UBE2E2: variants seen among roughly 807,000 people sequenced by gnomAD.
UBE2E2 encodes the protein ubiquitin-conjugating enzyme E2 E2.
A neutral mutation model predicts 24.7 loss-of-function variants in UBE2E2; 6 were observed. That is an observed-to-expected ratio of 0.24 (90% CI 0.13 to 0.48). UBE2E2 has a LOEUF of 0.48. Ranked by LOEUF, UBE2E2 falls within the 20% of genes least tolerant of loss-of-function variation. The probability of loss-of-function intolerance (pLI) is 0.99; values close to 1 mark genes in which losing one functional copy is unlikely to be tolerated. For missense variants in UBE2E2, 169 were observed against 245.0 expected (o/e 0.69, Z 2.07); for synonymous variants, 104 against 83.6 (o/e 1.24, Z -1.33).
At chr3:23,325,986 G>A (rs1008252835) in intron 3 of UBE2E2, among the ~76,000 whole-genome samples, 3 of 152,160 alleles carry the variant, frequency 2.0e-5, no homozygotes, top group African/African-American at 7.2e-5. Context: ...GGTGGTAGAG[G>A]ATACCATTTG....
At chr3:23,307,242 G>A (rs1699261821) in intron 3 of UBE2E2, among the ~76,000 whole-genome samples, 1 of 152,008 alleles carries the variant, frequency 6.6e-6, no homozygotes, top group African/African-American at 2.4e-5. Context: ...CTCTTTCTGA[G>A]GATATTAATT....
intron 3 of UBE2E2, among the ~76,000 whole-genome samples, chr3:23,333,556 G>C (rs980102015): frequency 3.3e-5 from 5 of 152,058 alleles, no homozygotes; most frequent in Non-Finnish European, 7.4e-5. Flanking sequence ...ATTTGACTCA[G>C]TTTTTTTCAC....
At chr3:23,491,555 A>G (rs1383811927) in intron 3 of UBE2E2, among the ~76,000 whole-genome samples, 1 of 152,084 alleles carries the variant, frequency 6.6e-6, no homozygotes, top group Non-Finnish European at 1.5e-5. Flanking sequence ...GAGACAAGAA[A>G]GAGCCCAGCT....
intron 3 of UBE2E2, among the ~76,000 whole-genome samples, chr3:23,231,045 C>G (rs1014160538): frequency 6.6e-6 from 1 of 152,060 alleles, no homozygotes; most frequent in Non-Finnish European, 1.5e-5. Context: ...AGAGCTCTAC[C>G]TTTAGAGGAA....
intron 3 of UBE2E2, among the ~76,000 whole-genome samples, chr3:23,473,392 A>T (rs1048887218): frequency 6.6e-6 from 1 of 151,978 alleles, no homozygotes; most frequent in African/African-American, 2.4e-5. Context: ...TCTACCTTTA[A>T]TTTTTGTGGT....
At chr3:23,299,473 G>C (rs1417869382) in intron 3 of UBE2E2, among the ~76,000 whole-genome samples, 3 of 151,698 alleles carry the variant, frequency 2.0e-5, no homozygotes, top group Non-Finnish European at 4.4e-5. Flanking sequence ...CAGAGATTCT[G>C]GTATGTTGTG....
At chr3:23,232,727 C>A (rs892813292) in intron 3 of UBE2E2, among the ~76,000 whole-genome samples, 5 of 152,166 alleles carry the variant, frequency 3.3e-5, no homozygotes, top group Admixed American at 3.3e-4. Flanking sequence ...CTGAAGAAAT[C>A]ATTTTTGCTC....
chr3:23,452,505 AGTCGT>A lies in UBE2E2; in HGVS notation c.228-47100_228-47096del, dbSNP rs1182601921. On this transcript the variant is annotated intron_variant, in intron 3 of 5. Coordinates refer to ENST00000396703, the MANE Select transcript of UBE2E2 (RefSeq NM_152653.4). ...GAGACTTTAGAAAGTTTAGTGTAAA[AGTCGT>A]GTTTATAAAATATGGGAATTCTAGT... Among the ~76,000 whole-genome samples, 6 of 152,322 alleles carry A rather than the reference AGTCGT, an allele frequency of 3.9e-5. No homozygotes were observed. In the East Asian group the frequency reaches 1.2e-3, roughly 29 times the overall value.
intron 4 of UBE2E2, among the ~76,000 whole-genome samples, chr3:23,515,573 G>A (rs1041969232): frequency 6.6e-6 from 1 of 152,138 alleles, no homozygotes; most frequent in Non-Finnish European, 1.5e-5. Context: ...TAGTATGGGT[G>A]TATAACCAGC....
rs904997297 is a variant in UBE2E2, at chr3:23,335,517, C to G, written c.227+118205C>G. On this transcript the variant is annotated intron_variant, in intron 3 of 5. Transcript: ENST00000396703. ...TCTTGAATTTTATGCAGTGTAATTACTGTTTAGTGAAATTTAAAAAAGGTT... is the reference window on the plus strand; with the variant it reads ...TCTTGAATTTTATGCAGTGTAATTAGTGTTTAGTGAAATTTAAAAAAGGTT... Among the ~76,000 whole-genome samples the G allele has an allele frequency of 4.7e-4, 71 of 152,086 alleles. 1 individual carries two copies. The highest frequency in any genetic ancestry group is 1.6e-4 in the Non-Finnish European group (11 of 68,024).
intron 3 of UBE2E2, among the ~76,000 whole-genome samples, chr3:23,223,320 A>C (rs2125326393): frequency 6.6e-6 from 1 of 151,790 alleles, no homozygotes; most frequent in South Asian, 2.1e-4. Context: ...AGCCTCCTGA[A>C]TAACTGGGAT....
At chr3:23,410,792 CAAGTT>C (rs796109444) in intron 3 of UBE2E2, among the ~76,000 whole-genome samples, 8 of 152,130 alleles carry the variant, frequency 5.3e-5, no homozygotes, top group African/African-American at 1.9e-4. Context: ...AGGGTGCAGA[CAAGTT>C]AACAAGCAAT....
At chr3:23,291,322 A>G (rs1207504514) in intron 3 of UBE2E2, among the ~76,000 whole-genome samples, 1 of 152,204 alleles carries the variant, frequency 6.6e-6, no homozygotes, top group Non-Finnish European at 1.5e-5. Flanking sequence ...CAAAGATTTA[A>G]AAGAGTAGGA....
At chr3:23,489,607 G>T (rs929482070) in intron 3 of UBE2E2, among the ~76,000 whole-genome samples, 4 of 152,318 alleles carry the variant, frequency 2.6e-5, no homozygotes, top group East Asian at 1.9e-4. Flanking sequence ...CTAGTTTCTT[G>T]CTTTGCCTGG....
At position 23,358,097 on chromosome 3, in the gene UBE2E2, A is replaced by G. The variant is rs554914670; in HGVS notation, c.227+140785A>G. ...GTGATCAGCCTGCCTTGGCCTCCCA[A>G]AATGCTAGGCCAGGCATGAGCCACT... is the stretch of plus-strand genomic sequence containing the variant. On this transcript the variant is annotated intron_variant, in intron 3 of 5. Transcript: ENST00000396703. 5.9e-5 allele frequency among the ~76,000 whole-genome samples: 9 copies of G among 152,256 alleles called. No individual in the cohort carries two copies. The South Asian group carries it at 1.9e-3, about 32-fold the overall frequency.
intron 3 of UBE2E2, among the ~76,000 whole-genome samples, chr3:23,306,405 T>G (rs969052591): frequency 6.6e-6 from 1 of 152,236 alleles, no homozygotes; most frequent in Non-Finnish European, 1.5e-5. Context: ...AAGACAAATA[T>G]TAGCCAATCC....
chr3:23,285,809 C>A (rs977803395), intron 3 of UBE2E2, among the ~76,000 whole-genome samples: 1 of 152,164 alleles, frequency 6.6e-6, no homozygotes, highest in Admixed American at 6.5e-5. Context: ...TTCTGTTTCT[C>A]AGCCACTCGA....
chr3:23,236,344 T>C (rs187427901), intron 3 of UBE2E2, among the ~76,000 whole-genome samples: 1 of 152,268 alleles, frequency 6.6e-6, no homozygotes, highest in East Asian at 1.9e-4. Flanking sequence ...TGCAAGATTA[T>C]TCATATTACC....
At chr3:23,212,228 CAG>C (rs1224419389) in intron 2 of UBE2E2, among the ~76,000 whole-genome samples, 2 of 152,156 alleles carry the variant, frequency 1.3e-5, no homozygotes, top group African/African-American at 2.4e-5. Context: ...ATTTCTGTCT[CAG>C]AGTTAGGAGG....
Sources: allele counts gnomAD v4.1 joint callset (sites outside exome capture counted in the v4.1 genomes callset), GRCh38; gene constraint gnomAD v4.1.1; transcripts MANE v1.5; gene names NCBI Gene and HGNC (gene_info 2026-07-23, HGNC 2026-07-21).